Variants in FAM117B observed in about 807,000 individuals in gnomAD.
FAM117B encodes the protein protein FAM117B.
Under a neutral mutation model 52.8 loss-of-function variants are expected in FAM117B, and 22 were observed. That is an observed-to-expected ratio of 0.42 (90% CI 0.30 to 0.59). The LOEUF (loss-of-function observed/expected upper bound fraction) is 0.59. Ranked by LOEUF, FAM117B falls within the 20% of genes least tolerant of loss-of-function variation. FAM117B has a pLI of 0.22. For synonymous variants in FAM117B, 309 were observed against 324.1 expected (o/e 0.95, Z 0.50); for missense variants, 678 against 802.6 (o/e 0.84, Z 1.88).
At chr2:202,660,719 C>T (rs559166434) in intron 1 of FAM117B, among the ~76,000 whole-genome samples, 1 of 152,324 alleles carries the variant, frequency 6.6e-6, no homozygotes, top group African/African-American at 2.4e-5. Flanking sequence ...GAACTTCCTA[C>T]AACTGGATAT....
chr2:202,672,104 C>T (rs1690308191), intron 1 of FAM117B, among the ~76,000 whole-genome samples: 2 of 152,194 alleles, frequency 1.3e-5, no homozygotes, highest in Admixed American at 6.5e-5. Flanking sequence ...CCATTTGACC[C>T]TGAAGAATTT....
intron 1 of FAM117B, among the ~76,000 whole-genome samples, chr2:202,684,900 A>G (rs1184158001): frequency 2.6e-5 from 4 of 152,200 alleles, no homozygotes; most frequent in African/African-American, 9.7e-5. Context: ...TAGAACAAAT[A>G]ACTACCATAA....
At chr2:202,636,652 C>T (rs1341110160) in intron 1 of FAM117B, among the ~76,000 whole-genome samples, 1 of 152,160 alleles carries the variant, frequency 6.6e-6, no homozygotes, top group Non-Finnish European at 1.5e-5. Flanking sequence ...AATTTATAAT[C>T]TTGTTGCCTT....
At chr2:202,749,485 G>GT (rs1691688546) in intron 4 of FAM117B, among the ~76,000 whole-genome samples, 1 of 151,554 alleles carries the variant, frequency 6.6e-6, no homozygotes, top group African/African-American at 2.4e-5. Flanking sequence ...GGTACGATCT[G>GT]TTTCTGGTTA....
intron 4 of FAM117B, among the ~76,000 whole-genome samples, chr2:202,732,883 A>C (rs1237746433): frequency 6.6e-6 from 1 of 151,586 alleles, no homozygotes; most frequent in Admixed American, 6.6e-5. Flanking sequence ...TAAAAAAAAA[A>C]AAAAGACACA....
At chr2:202,751,705 G>A (rs915436253) in intron 4 of FAM117B, among the ~76,000 whole-genome samples, 14 of 147,306 alleles carry the variant, frequency 9.5e-5, no homozygotes, top group Non-Finnish European at 1.5e-4. Context: ...CCGGGAGGCT[G>A]TGGTTGCAGT....
At chr2:202,648,233 G>C (rs1689899317) in intron 1 of FAM117B, among the ~76,000 whole-genome samples, 1 of 152,098 alleles carries the variant, frequency 6.6e-6, no homozygotes. Flanking sequence ...ATGTCAGCTG[G>C]GCTTGTTGGC....
At chr2:202,720,051 A>G (rs1169758716) in intron 2 of FAM117B, among the ~76,000 whole-genome samples, 1 of 152,170 alleles carries the variant, frequency 6.6e-6, no homozygotes, top group Admixed American at 6.5e-5. Flanking sequence ...AACTAATAGT[A>G]ATTTGTGGAG....
chr2:202,721,109 C>G (rs1433986234), intron 2 of FAM117B, among the ~76,000 whole-genome samples: 1 of 152,118 alleles, frequency 6.6e-6, no homozygotes, highest in Non-Finnish European at 1.5e-5. Context: ...AAGGGTTCCT[C>G]CCCTCTTCCA....
At chr2:202,703,765 A>C (rs1690831470) in intron 2 of FAM117B, among the ~76,000 whole-genome samples, 1 of 152,168 alleles carries the variant, frequency 6.6e-6, no homozygotes, top group East Asian at 1.9e-4. Flanking sequence ...GACTGTTCTG[A>C]ACAATGCTGC....
chr2:202,711,869 C>T (rs1417380760), intron 2 of FAM117B, among the ~76,000 whole-genome samples: 2 of 152,028 alleles, frequency 1.3e-5, no homozygotes, highest in African/African-American at 4.8e-5. Flanking sequence ...ATGGATTTAT[C>T]TCTGGATTCT....
chr2:202,747,576 C>T (rs1477853438), intron 4 of FAM117B, among the ~76,000 whole-genome samples: 2 of 151,932 alleles, frequency 1.3e-5, no homozygotes, highest in Admixed American at 1.3e-4. Context: ...CAAAAAAAAT[C>T]ACAAAACTGA....
At chr2:202,688,856 A>C (rs1235572711) in intron 1 of FAM117B, among the ~76,000 whole-genome samples, 1 of 152,194 alleles carries the variant, frequency 6.6e-6, no homozygotes. Flanking sequence ...ATATCTAGAA[A>C]CTTTTCACGA....
At chr2:202,656,049 C>A (rs1281404196) in intron 1 of FAM117B, among the ~76,000 whole-genome samples, 1 of 152,074 alleles carries the variant, frequency 6.6e-6, no homozygotes, top group Non-Finnish European at 1.5e-5. Flanking sequence ...CATTATTCAT[C>A]TGTGGAGTTT....
Position 202,635,471 on chromosome 2 carries a change from C to A in FAM117B, c.284C>A (p.Thr95Lys). ...PRTASRSTSP[T>K]RGGGNAAART... ...ACCGCCTCGCGCAGCACCAGCCCCACGCGCGGCGGCGGGAACGCGGCCGCG... is the reference window on the plus strand; with the variant it reads ...ACCGCCTCGCGCAGCACCAGCCCCAAGCGCGGCGGCGGGAACGCGGCCGCG... Residue 95 changes from threonine to lysine, a missense_variant, in exon 1 of 8, where the codon ACG becomes AAG. By Grantham distance (78) the Thr-to-Lys change is moderately conservative. This residue lies in a region of FAM117B where 583 missense variants were observed against 644.8 expected (regional missense o/e 0.90). Coordinates refer to ENST00000392238, the MANE Select transcript of FAM117B (RefSeq NM_173511.4). 1.9e-6 allele frequency: 2 copies of A among 1,056,638 alleles called. No individual in the cohort carries two copies. Among genetic ancestry groups the A allele is most frequent in the Non-Finnish European group, 1.1e-6 (1 of 878,996 alleles). The allele number at this position is 1,056,638 out of a possible 1,614,324, so 65.5% of individuals were successfully genotyped here.
intron 2 of FAM117B, among the ~76,000 whole-genome samples, chr2:202,702,451 C>G (rs1164257425): frequency 1.3e-5 from 2 of 152,104 alleles, no homozygotes; most frequent in Non-Finnish European, 1.5e-5. Context: ...CTGTAGCCAC[C>G]TTGGCCTTCA....
At chr2:202,686,124 T>C (rs1690534354) in intron 1 of FAM117B, among the ~76,000 whole-genome samples, 1 of 152,184 alleles carries the variant, frequency 6.6e-6, no homozygotes, top group African/African-American at 2.4e-5. Context: ...TGATCAGACA[T>C]ATCACTGAAG....
intron 1 of FAM117B, among the ~76,000 whole-genome samples, chr2:202,661,433 T>C (rs1236960608): frequency 6.6e-6 from 1 of 152,220 alleles, no homozygotes; most frequent in East Asian, 1.9e-4. Flanking sequence ...CCAACTATAA[T>C]GCTAAGTGTT....
rs1178837776 is a variant in FAM117B at position 202,635,337 on chromosome 2, A to G, written c.150A>G (p.Gln50=). Residue 50 remains glutamine (Q), a synonymous_variant, in exon 1 of 8, where the codon CAA becomes CAG. Coordinates refer to ENST00000392238, the MANE Select transcript of FAM117B (RefSeq NM_173511.4). The part of the protein sequence containing the change: ...PFQLKQQQQQ[Q]HGSPTRSGGG... ...AGCTGAAGCAGCAGCAGCAGCAGCA[A>G]CATGGCAGCCCCACGCGGAGCGGCG... The G allele has an allele frequency of 5.0e-6, 7 of 1,406,654 alleles. No individual in the cohort carries two copies. The highest frequency in any genetic ancestry group is 6.5e-6 in the Non-Finnish European group (7 of 1,078,768). 87.1% of individuals were successfully genotyped at this position (1,406,654 alleles called of 1,614,324 possible).
Sources: allele counts gnomAD v4.1 joint callset (sites outside exome capture counted in the v4.1 genomes callset), GRCh38; gene constraint gnomAD v4.1.1; regional missense constraint gnomAD v4.1.1; transcripts MANE v1.5; gene names NCBI Gene and HGNC (gene_info 2026-07-23, HGNC 2026-07-21).